GLRA3: variants seen among roughly 807,000 people sequenced by gnomAD.
GLRA3 encodes the protein glycine receptor alpha 3, also known as glycine receptor subunit alpha-3.
In GLRA3, 44 loss-of-function variants were observed where a neutral mutation model predicts 60.4. The observed-to-expected ratio is 0.73, with a 90% CI of 0.57 to 0.94. The LOEUF (loss-of-function observed/expected upper bound fraction) is 0.94, where lower values mean the gene tolerates loss of function less well. Ranked by LOEUF, GLRA3 falls within the 40% of genes least tolerant of loss-of-function variation. GLRA3 has a pLI of 0.00. For synonymous variants in GLRA3, 223 were observed against 192.9 expected, an observed-to-expected ratio of 1.16 and a Z score of -1.29; for missense variants, 508 against 564.6, an observed-to-expected ratio of 0.90 and a Z score of 1.02.
At chr4:174,655,558 G>C (rs1733164298) in intron 9 of GLRA3, among the ~76,000 whole-genome samples, 1 of 152,046 alleles carries the variant, frequency 6.6e-6, no homozygotes, top group Non-Finnish European at 1.5e-5. Flanking sequence ...AGCTACTGGA[G>C]ATATAATTAT....
intron 2 of GLRA3, among the ~76,000 whole-genome samples, chr4:174,769,845 T>A (rs1056349559): frequency 1.1e-4 from 16 of 152,100 alleles, no homozygotes; most frequent in African/African-American, 2.9e-4. Flanking sequence ...ATAGCTAGAG[T>A]TGGTAGAAAC....
rs181791317 is a variant in GLRA3 at position 174,753,845 on chromosome 4, C to T, written c.267+13118G>A. Among the ~76,000 whole-genome samples, 515 of 152,196 alleles carry T rather than the reference C, an allele frequency of 3.4e-3. 17 individuals carry two copies. Among genetic ancestry groups the T allele is most frequent in the Admixed American group, 0.03 (455 of 15,276 alleles). ...TTTCCCAGCCCAAATATTTCAAATG[C>T]CTTAAAAATGCAATTTTTAAATTTA... On this transcript the variant is annotated intron_variant, in intron 3 of 9. Coordinates refer to ENST00000274093, the MANE Select transcript of GLRA3 (RefSeq NM_006529.4).
chr4:174,769,161 A>G (rs1738279158), intron 2 of GLRA3, among the ~76,000 whole-genome samples: 1 of 152,004 alleles, frequency 6.6e-6, no homozygotes. Flanking sequence ...TCTCTACATA[A>G]TATGTTTTTT....
chr4:174,691,510 C>T (rs954360852), intron 5 of GLRA3, among the ~76,000 whole-genome samples: 2 of 152,228 alleles, frequency 1.3e-5, no homozygotes, highest in African/African-American at 2.4e-5. Context: ...CTGCCTCAGC[C>T]TGCCGAGTGC....
intron 5 of GLRA3, among the ~76,000 whole-genome samples, chr4:174,697,461 G>T (rs1308287326): frequency 6.6e-6 from 1 of 152,172 alleles, no homozygotes; most frequent in Non-Finnish European, 1.5e-5. Flanking sequence ...AGGAACAACT[G>T]CTATGTCAAA....
At chr4:174,707,521 C>T (rs918629145) in intron 5 of GLRA3, among the ~76,000 whole-genome samples, 15 of 151,440 alleles carry the variant, frequency 9.9e-5, no homozygotes, top group Admixed American at 2.6e-4. Context: ...GGCACTGTCA[C>T]GGGGGGGAAG....
chr4:174,811,189 T>G (rs888142218), intron 1 of GLRA3, among the ~76,000 whole-genome samples: 2 of 151,200 alleles, frequency 1.3e-5, no homozygotes, highest in South Asian at 2.1e-4. Context: ...CCGCCTGTTT[T>G]TTTTTTTTTT....
At chr4:174,762,207 C>G (rs1737967213) in intron 3 of GLRA3, among the ~76,000 whole-genome samples, 1 of 152,066 alleles carries the variant, frequency 6.6e-6, no homozygotes, top group Non-Finnish European at 1.5e-5. Flanking sequence ...AAATAATGGA[C>G]TTTTAATGTC....
intron 1 of GLRA3, among the ~76,000 whole-genome samples, chr4:174,812,406 C>T (rs1466553525): frequency 6.6e-6 from 1 of 152,054 alleles, no homozygotes; most frequent in South Asian, 2.1e-4. Context: ...TGTATAACTA[C>T]AGATGTTTAT....
rs1202379806 is a variant in GLRA3 at position 174,688,335 on chromosome 4, AT to A, written c.575-5397del. ...CCTGACATCATATATATATATATAT[AT>A]ATATATATATATATATATATATATA... is the stretch of plus-strand genomic sequence containing the variant. On this transcript the variant is annotated intron_variant, in intron 5 of 9. Transcript: ENST00000274093. Among the ~76,000 whole-genome samples the A allele has an allele frequency of 5.2e-4, 60 of 115,408 alleles. 2 individuals are homozygous for A. The East Asian group carries it at 0.015, about 28-fold the overall frequency. The allele number at this position is 115,408 out of a possible 152,430, so 75.7% of individuals were successfully genotyped here.
chr4:174,738,597 C>T (rs1190723759), intron 3 of GLRA3, among the ~76,000 whole-genome samples: 5 of 152,188 alleles, frequency 3.3e-5, no homozygotes, highest in Non-Finnish European at 7.3e-5. Flanking sequence ...AATGTTGCAG[C>T]TGAAACTTTT....
chr4:174,823,921 T>C (rs1462170392), intron 1 of GLRA3, among the ~76,000 whole-genome samples: 1 of 152,240 alleles, frequency 6.6e-6, no homozygotes, highest in Non-Finnish European at 1.5e-5. Flanking sequence ...GCCTCATCTC[T>C]ACAGCTGAGC....
rs1200152017 is a variant in GLRA3, at chr4:174,641,519, T to C, written c.*2267A>G. Reference sequence around the variant, plus strand: ...TGCAGTAAGACAGTGACAAATATAATAGGAAAGGAAAACTATGCCTAAGGA... The same window carrying C: ...TGCAGTAAGACAGTGACAAATATAACAGGAAAGGAAAACTATGCCTAAGGA... On this transcript the variant is annotated 3_prime_UTR_variant, in exon 10 of 10. Coordinates refer to ENST00000274093, the MANE Select transcript of GLRA3 (RefSeq NM_006529.4). The C allele has an allele frequency of 6.6e-6, 1 of 152,046 alleles. No individual in the cohort carries two copies. The highest frequency in any genetic ancestry group is 1.5e-5 in the Non-Finnish European group (1 of 67,954). The allele number at this position is 152,046 out of a possible 1,614,324, so 9.4% of individuals were successfully genotyped here.
chr4:174,775,475 A>G (rs1482242678), intron 2 of GLRA3, among the ~76,000 whole-genome samples: 1 of 152,208 alleles, frequency 6.6e-6, no homozygotes, highest in Non-Finnish European at 1.5e-5. Context: ...GAGGGCAAAC[A>G]AAAGTTATAT....
intron 9 of GLRA3, among the ~76,000 whole-genome samples, chr4:174,651,386 A>G (rs1188806450): frequency 6.6e-6 from 1 of 152,204 alleles, no homozygotes; most frequent in African/African-American, 2.4e-5. Flanking sequence ...AATATTTATT[A>G]TACTACCTAT....
chr4:174,767,889 T>TAAGA lies in GLRA3; in HGVS notation c.200-863_200-860dup, dbSNP rs537226990. Among the ~76,000 whole-genome samples the TAAGA allele has an allele frequency of 2.7e-3, 411 of 152,288 alleles. 3 individuals are homozygous for TAAGA. The highest frequency in any genetic ancestry group is 9.6e-3 in the African/African-American group (401 of 41,562). On this transcript the variant is annotated intron_variant, in intron 2 of 9. Coordinates refer to ENST00000274093, the MANE Select transcript of GLRA3 (RefSeq NM_006529.4). ...TATGTTAGAGCTTTTCAGAGCTGCC[T>TAAGA]AAGAACATAGAATTTTCCAGGTCCT...
intron 3 of GLRA3, among the ~76,000 whole-genome samples, chr4:174,762,862 G>C (rs138544180): frequency 2.0e-5 from 3 of 152,080 alleles, no homozygotes; most frequent in African/African-American, 4.8e-5. Context: ...TACCCAGAAG[G>C]CTCCGTGGTA....
At chr4:174,734,575 C>T (rs1486425376) in intron 3 of GLRA3, among the ~76,000 whole-genome samples, 1 of 151,904 alleles carries the variant, frequency 6.6e-6, no homozygotes. Flanking sequence ...TACAATTATT[C>T]TCCTAGAAAA....
chr4:174,793,084 A>G (rs567607216), intron 1 of GLRA3, among the ~76,000 whole-genome samples: 1 of 152,318 alleles, frequency 6.6e-6, no homozygotes, highest in South Asian at 2.1e-4. Context: ...AGACTTTTGA[A>G]AAAGTTGATT....
Sources: allele counts gnomAD v4.1 joint callset (sites outside exome capture counted in the v4.1 genomes callset), GRCh38; gene constraint gnomAD v4.1.1; transcripts MANE v1.5; gene names NCBI Gene and HGNC (gene_info 2026-07-23, HGNC 2026-07-21).